Variants in CWC27 observed in about 807,000 individuals in gnomAD.
CWC27 encodes the protein CWC27 spliceosome associated cyclophilin, also known as spliceosome-associated protein CWC27 homolog.
In CWC27, 47 loss-of-function variants were observed where a neutral mutation model predicts 63.6. The ratio of observed to expected loss-of-function variants is 0.74; its 90% CI spans 0.58 to 0.94. The LOEUF (loss-of-function observed/expected upper bound fraction) is 0.94. CWC27 is among the 40% of genes least tolerant of loss of function. The pLI is 0.00. For missense variants in CWC27, 495 were observed against 554.3 expected, an observed-to-expected ratio of 0.89 and a Z score of 1.07; for synonymous variants, 175 against 179.8, an observed-to-expected ratio of 0.97 and a Z score of 0.22.
At chr5:64,911,206 C>A (rs1747778440) in intron 11 of CWC27, among the ~76,000 whole-genome samples, 1 of 152,236 alleles carries the variant, frequency 6.6e-6, no homozygotes. Context: ...CATTTTATCT[C>A]TCTCTTGTTC....
intron 13 of CWC27, among the ~76,000 whole-genome samples, chr5:65,009,648 TAA>T (rs1347426756): frequency 3.3e-5 from 5 of 152,142 alleles, no homozygotes; most frequent in African/African-American, 1.2e-4. Flanking sequence ...AGGAAGAAAC[TAA>T]AACTCTCTCT....
rs575297855 is a variant in CWC27 at position 64,968,438 on chromosome 5, T to C, written c.1043-3265T>C. The stretch of plus-strand genomic sequence containing the variant: ...TTGCAAACAAACTTGTGTGTGTAAA[T>C]GTTTAAAGAGGCATTATTTGTAGTA... On this transcript the variant is annotated intron_variant, in intron 11 of 13. Transcript: ENST00000381070. 3.3e-5 allele frequency among the ~76,000 whole-genome samples: 5 copies of C among 152,138 alleles called. No homozygotes were observed. In the East Asian group the frequency reaches 9.6e-4, roughly 29 times the overall value.
At chr5:65,009,005 A>AT (rs1749898562) in intron 13 of CWC27, among the ~76,000 whole-genome samples, 1 of 152,034 alleles carries the variant, frequency 6.6e-6, no homozygotes, top group Non-Finnish European at 1.5e-5. Context: ...ATTTATTTAA[A>AT]AAAAAAATGA....
intron 11 of CWC27, among the ~76,000 whole-genome samples, chr5:64,964,504 A>G (rs1390059192): frequency 6.6e-6 from 1 of 152,230 alleles, no homozygotes; most frequent in Non-Finnish European, 1.5e-5. Context: ...TTGAAAGAAA[A>G]TAATTTAGTA....
chr5:64,932,757 T>C (rs1225328368), intron 11 of CWC27, among the ~76,000 whole-genome samples: 1 of 152,180 alleles, frequency 6.6e-6, no homozygotes, highest in African/African-American at 2.4e-5. Context: ...ATTCAGCCAA[T>C]TGGCAAGTCT....
At chr5:64,805,197 A>AT (rs1744622285) in intron 10 of CWC27, among the ~76,000 whole-genome samples, 1 of 151,648 alleles carries the variant, frequency 6.6e-6, no homozygotes, top group African/African-American at 2.4e-5. Flanking sequence ...AGCTCCCTCA[A>AT]TTTTTTCTTT....
intron 13 of CWC27, among the ~76,000 whole-genome samples, chr5:64,983,265 G>A (rs1749360680): frequency 6.6e-6 from 1 of 152,174 alleles, no homozygotes; most frequent in Non-Finnish European, 1.5e-5. Context: ...TTAGTGATAT[G>A]AGTGGCATTG....
chr5:64,842,197 G>A (rs903864799), intron 10 of CWC27, among the ~76,000 whole-genome samples: 11 of 151,984 alleles, frequency 7.2e-5, no homozygotes, highest in African/African-American at 1.5e-4. Flanking sequence ...TAGTACTATC[G>A]GGTCCTATAC....
At chr5:64,942,287 G>A (rs912139655) in intron 11 of CWC27, among the ~76,000 whole-genome samples, 2 of 151,240 alleles carry the variant, frequency 1.3e-5, no homozygotes, top group African/African-American at 2.4e-5. Flanking sequence ...CAAAATAGCC[G>A]GGCATGGTGG....
intron 1 of CWC27, among the ~76,000 whole-genome samples, chr5:64,770,939 A>G (rs1743230708): frequency 6.6e-6 from 1 of 152,222 alleles, no homozygotes; most frequent in African/African-American, 2.4e-5. Flanking sequence ...GAGCAAATCA[A>G]TTGCCAGGCT....
At chr5:64,897,501 C>T (rs990164708) in intron 11 of CWC27, among the ~76,000 whole-genome samples, 9 of 152,102 alleles carry the variant, frequency 5.9e-5, no homozygotes, top group Non-Finnish European at 8.8e-5. Flanking sequence ...AACCAAACAC[C>T]GCATGTTCTC....
At chr5:64,858,224 C>T (rs1188745085) in intron 10 of CWC27, among the ~76,000 whole-genome samples, 4 of 148,030 alleles carry the variant, frequency 2.7e-5, no homozygotes, top group African/African-American at 7.4e-5. Flanking sequence ...CTTTGTGGGG[C>T]CGAGGCGGGC....
At chr5:64,936,932 A>C (rs910538363) in intron 11 of CWC27, among the ~76,000 whole-genome samples, 73 of 152,180 alleles carry the variant, frequency 4.8e-4, no homozygotes, top group African/African-American at 1.7e-3. Context: ...ATTTCTGTGC[A>C]ACCAGTAACG....
chr5:64,922,419 T>C (rs1219881612), intron 11 of CWC27, among the ~76,000 whole-genome samples: 2 of 152,242 alleles, frequency 1.3e-5, no homozygotes, highest in Non-Finnish European at 2.9e-5. Flanking sequence ...GCTTGGTCTA[T>C]TTTGTTAATG....
intron 10 of CWC27, among the ~76,000 whole-genome samples, chr5:64,827,451 G>C (rs762681689): frequency 6.6e-6 from 1 of 152,136 alleles, no homozygotes; most frequent in Non-Finnish European, 1.5e-5. Context: ...GGACTTGTTT[G>C]TAGGAATCAG....
intron 10 of CWC27, among the ~76,000 whole-genome samples, chr5:64,848,089 T>C (rs1746037051): frequency 6.6e-6 from 1 of 151,974 alleles, no homozygotes; most frequent in South Asian, 2.1e-4. Context: ...GGGTTGATTT[T>C]TGAAAAAATA....
At chr5:64,796,002 CGTGTGT>C (rs56699605) in intron 7 of CWC27, among the ~76,000 whole-genome samples, 1,495 of 135,866 alleles carry the variant, frequency 0.011, 19 homozygotes, top group African/African-American at 0.029. Context: ...AGAAATTGTG[CGTGTGT>C]GTGTGTGTGT....
chr5:64,861,185 C>T (rs1274353470), intron 10 of CWC27, among the ~76,000 whole-genome samples: 2 of 151,836 alleles, frequency 1.3e-5, no homozygotes, highest in Non-Finnish European at 2.9e-5. Context: ...ATGGTGGTCT[C>T]GGTTTCTAAG....
rs146868016 is a variant in CWC27 at position 64,964,685 on chromosome 5, A to G, written c.1043-7018A>G. 6.5e-4 allele frequency among the ~76,000 whole-genome samples: 99 copies of G among 152,334 alleles called. No homozygotes were observed. The Middle Eastern group carries it at 0.017, about 26-fold the overall frequency. ...ACAAGGTAAAATTAGCCCAAGCTAAAATACTACATGTTTCAGTGGTAAGAT... is the reference window on the plus strand; with the variant it reads ...ACAAGGTAAAATTAGCCCAAGCTAAGATACTACATGTTTCAGTGGTAAGAT... On this transcript the variant is annotated intron_variant, in intron 11 of 13. Coordinates refer to ENST00000381070, the MANE Select transcript of CWC27 (RefSeq NM_005869.4).
Sources: allele counts gnomAD v4.1 joint callset (sites outside exome capture counted in the v4.1 genomes callset), GRCh38; gene constraint gnomAD v4.1.1; transcripts MANE v1.5; gene names NCBI Gene and HGNC (gene_info 2026-07-23, HGNC 2026-07-21).